The following STEAP4 variants were observed in gnomAD, a reference collection of about 807,000 sequenced individuals.
STEAP4 encodes STEAP4 metalloreductase, also known as metalloreductase STEAP4.
In STEAP4, 36 loss-of-function variants were observed where a neutral mutation model predicts 43.6. The observed-to-expected ratio is 0.83, with a 90% CI of 0.63 to 1.09. The LOEUF (loss-of-function observed/expected upper bound fraction) is 1.09. Among genes scored for constraint, STEAP4 ranks in the 50% least tolerant of loss-of-function variants. The probability of loss-of-function intolerance (pLI) is 0.00; values close to 1 mark genes in which losing one functional copy is unlikely to be tolerated. For synonymous variants in STEAP4, 191 were observed against 196.7 expected, an observed-to-expected ratio of 0.97 and a Z score of 0.24; for missense variants, 495 against 546.5, an observed-to-expected ratio of 0.91 and a Z score of 0.94.
intron 3 of STEAP4, 108 bp from the exon 4 acceptor site, chr7:88,281,187 A>G (rs1177644240): frequency 2.6e-6 from 2 of 775,326 alleles, no homozygotes; most frequent in Non-Finnish European, 3.7e-6. Flanking sequence ...AGCAAATTGT[A>G]TGGCATTTCT....
intron 1 of STEAP4, among the ~76,000 whole-genome samples, chr7:88,295,422 G>A (rs1586751617): frequency 6.6e-6 from 1 of 152,176 alleles, no homozygotes. Flanking sequence ...ATGAGAATCA[G>A]GTAGAGAGCC....
chr7:88,281,629 C>T (rs1167444471), intron 3 of STEAP4: 1 of 152,228 alleles, frequency 6.6e-6, no homozygotes, highest in African/African-American at 2.4e-5. Context: ...CCCATAGAAG[C>T]ATCATTAATG....
At chr7:88,281,896 G>A (rs1199875863) in intron 3 of STEAP4, 2 of 152,156 alleles carry the variant, frequency 1.3e-5, no homozygotes, top group East Asian at 3.9e-4. Context: ...GTTTGCTTTA[G>A]TGTGGCACAT....
intron 4 of STEAP4, 102 bp downstream of exon 4, chr7:88,280,813 T>C: frequency 1.6e-6 from 2 of 1,236,990 alleles, no homozygotes; most frequent in Non-Finnish European, 2.2e-6. Context: ...ATTCTGCCTT[T>C]TGTACCTGGG....
chr7:88,293,038 G>A (rs2115997021), intron 1 of STEAP4: 1 of 152,266 alleles, frequency 6.6e-6, no homozygotes, highest in African/African-American at 2.4e-5. Context: ...AAGACCCCGG[G>A]ATACAAATTC....
At chr7:88,284,943 G>A (rs1455760958) in intron 1 of STEAP4, among the ~76,000 whole-genome samples, 1 of 151,960 alleles carries the variant, frequency 6.6e-6, no homozygotes, top group Non-Finnish European at 1.5e-5. Flanking sequence ...AACATTAGTA[G>A]AAACATTTCC....
At position 88,289,807 on chromosome 7, in the gene STEAP4, A is replaced by T. The variant is rs537768952; in HGVS notation, c.-2-5536T>A. Among the ~76,000 whole-genome samples, 16 of 152,346 alleles carry T rather than the reference A, an allele frequency of 1.1e-4. No individual in the cohort carries two copies. In the South Asian group the frequency reaches 3.3e-3, roughly 32 times the overall value. ...AGATGATCAGGGAACTTTGTATAAA[A>T]GTGCAGCTGTGCCTTTGAAAATTTC... is the stretch of plus-strand genomic sequence containing the variant. On this transcript the variant is annotated intron_variant, in intron 1 of 4. Coordinates refer to ENST00000380079, the MANE Select transcript of STEAP4 (RefSeq NM_024636.4).
chr7:88,284,520 T>C (rs964962776), intron 1 of STEAP4, among the ~76,000 whole-genome samples: 2 of 152,186 alleles, frequency 1.3e-5, no homozygotes, highest in African/African-American at 4.8e-5. Flanking sequence ...GAAAAGCTTC[T>C]GTTTGATAAA....
Position 88,283,863 on chromosome 7 carries a change from G to C in STEAP4, c.407C>G (p.Thr136Ser), listed in dbSNP as rs891699492. ...PGAHVVKAFN[T>S]ISAWALQSGA... Reference sequence around the variant, plus strand: ...TGACTGGAGAGCCCAGGCTGAGATGGTGTTAAATGCTTTTACCACGTGGGC... The same window carrying C: ...TGACTGGAGAGCCCAGGCTGAGATGCTGTTAAATGCTTTTACCACGTGGGC... Residue 136 changes from threonine (T) to serine (S), a missense_variant, in exon 2 of 5, where the codon ACC becomes AGC. Coordinates refer to ENST00000380079, the MANE Select transcript of STEAP4 (RefSeq NM_024636.4). 1.2e-6 allele frequency: 2 copies of C among 1,614,132 alleles called. No homozygotes were observed. The highest frequency in any genetic ancestry group is 1.7e-6 in the Non-Finnish European group (2 of 1,180,020).
intron 1 of STEAP4, chr7:88,292,749 C>A (rs1445802682): frequency 6.6e-6 from 1 of 152,158 alleles, no homozygotes; most frequent in African/African-American, 2.4e-5. Context: ...TTCTTTATCA[C>A]TACAATTTGG....
chr7:88,296,979 G>C (rs1269375150), intron 1 of STEAP4, among the ~76,000 whole-genome samples: 1 of 152,096 alleles, frequency 6.6e-6, no homozygotes, highest in African/African-American at 2.4e-5. Flanking sequence ...CCATATATAA[G>C]TCATTTGAAA....
chr7:88,302,093 A>G (rs1853045627), intron 1 of STEAP4, among the ~76,000 whole-genome samples: 1 of 152,212 alleles, frequency 6.6e-6, no homozygotes, highest in African/African-American at 2.4e-5. Context: ...GAATGGTAGG[A>G]AGTTAAAATG....
chr7:88,299,214 T>G (rs1438068197), intron 1 of STEAP4, among the ~76,000 whole-genome samples: 1 of 152,244 alleles, frequency 6.6e-6, no homozygotes, highest in East Asian at 1.9e-4. Flanking sequence ...ATTAAAAATC[T>G]CATTAATACA....
intron 4 of STEAP4, 23 bp from the exon 5 acceptor site, chr7:88,279,651 T>G: frequency 6.4e-7 from 1 of 1,560,994 alleles, no homozygotes; most frequent in East Asian, 2.3e-5. Context: ...AACAAAAATA[T>G]GTAAGTTAAC....
chr7:88,283,419 C>T (rs1852665894), intron 2 of STEAP4: 3 of 496,834 alleles, frequency 6.0e-6, no homozygotes, highest in Admixed American at 7.6e-5. Flanking sequence ...ACATGGTTCT[C>T]CACACTGTGA....
chr7:88,283,757 A>G (rs1290245656), intron 2 of STEAP4, 57 bp downstream of exon 2: 6 of 1,180,540 alleles, frequency 5.1e-6, no homozygotes, highest in African/African-American at 1.5e-5. Context: ...CTTTGAGGCA[A>G]GTGCACATTT....
chr7:88,286,683 C>T (rs984329356), intron 1 of STEAP4, among the ~76,000 whole-genome samples: 6 of 151,718 alleles, frequency 4.0e-5, no homozygotes, highest in Non-Finnish European at 7.4e-5. Context: ...TGCACTCCAG[C>T]CTGGGCAACA....
chr7:88,280,481 G>T lies in STEAP4; in HGVS notation c.1149+434C>A, dbSNP rs567685218. Among the ~76,000 whole-genome samples, 3 of 152,284 alleles carry T rather than the reference G, an allele frequency of 2.0e-5. No individual in the cohort carries two copies. The South Asian group carries it at 6.2e-4, about 32-fold the overall frequency. ...AACTGCCTTTAAAGAGGGGTTGGTT[G>T]GTGCTTGACATGTGGAAGAAAACAA... On this transcript the variant is annotated intron_variant, in intron 4 of 4. Transcript: ENST00000380079.
At position 88,279,011 on chromosome 7, in the gene STEAP4, C is replaced by T. The variant is rs1355940387; in HGVS notation, c.*387G>A. ...GTCACCATTGTGCTGTTTTTCCTTT[C>T]ACTTAACTCAGCCCTTGAGCCAGAG... On this transcript the variant is annotated 3_prime_UTR_variant, in exon 5 of 5. Coordinates refer to ENST00000380079, the MANE Select transcript of STEAP4 (RefSeq NM_024636.4). The T allele has an allele frequency of 2.4e-5, 5 of 204,544 alleles. No homozygotes were observed. The highest frequency in any genetic ancestry group is 5.3e-5 in the Admixed American group (1 of 18,968). The allele number at this position is 204,544 out of a possible 1,614,324, so 12.7% of individuals were successfully genotyped here.
Sources: gnomAD v4.1 joint callset for allele counts (sites outside exome capture counted in the v4.1 genomes callset) on GRCh38, gnomAD v4.1.1 for gene constraint, MANE v1.5 for transcripts, NCBI Gene and HGNC (gene_info 2026-07-23, HGNC 2026-07-21) for gene names.